Variants in KIAA1328 observed in about 807,000 individuals in gnomAD.
KIAA1328 encodes protein hinderin.
KIAA1328 carries 52 observed loss-of-function variants against 68.1 expected under a neutral mutation model. The ratio of observed to expected loss-of-function variants is 0.76; its 90% CI spans 0.61 to 0.96. KIAA1328 has a LOEUF of 0.96. Ranked by LOEUF, KIAA1328 falls within the 40% of genes least tolerant of loss-of-function variation. The pLI, the probability that KIAA1328 is intolerant of heterozygous loss-of-function variation, is 0.00. For synonymous variants in KIAA1328, 232 were observed against 239.4 expected (o/e 0.97, Z 0.28); for missense variants, 641 against 677.6 (o/e 0.95, Z 0.60).
intron 5 of KIAA1328, among the ~76,000 whole-genome samples, chr18:36,901,166 TTCTTA>T (rs2049024406): frequency 6.6e-6 from 1 of 152,060 alleles, no homozygotes; most frequent in Non-Finnish European, 1.5e-5. Context: ...ACAGTGTTAG[TTCTTA>T]AAGTATTCTC....
chr18:37,046,181 G>A (rs1290301607), intron 6 of KIAA1328, among the ~76,000 whole-genome samples: 1 of 152,036 alleles, frequency 6.6e-6, no homozygotes, highest in Non-Finnish European at 1.5e-5. Flanking sequence ...TAATCTTCAT[G>A]GACTGAAACT....
At chr18:37,146,302 T>A (rs1187970783) in intron 7 of KIAA1328, among the ~76,000 whole-genome samples, 1 of 152,160 alleles carries the variant, frequency 6.6e-6, no homozygotes, top group Non-Finnish European at 1.5e-5. Context: ...CCATGTGTTC[T>A]CATCATTTAG....
At chr18:37,209,466 G>A (rs2060274700) in intron 9 of KIAA1328, among the ~76,000 whole-genome samples, 2 of 152,094 alleles carry the variant, frequency 1.3e-5, no homozygotes, top group Admixed American at 6.5e-5. Context: ...TATAATGTGT[G>A]TATGTGTGTG....
intron 9 of KIAA1328, among the ~76,000 whole-genome samples, chr18:37,218,013 T>C (rs1385690788): frequency 6.6e-6 from 1 of 152,236 alleles, no homozygotes; most frequent in East Asian, 1.9e-4. Context: ...AAAATTCTCT[T>C]GGCCCCGATG....
intron 9 of KIAA1328, among the ~76,000 whole-genome samples, chr18:37,213,760 C>T (rs2060366123): frequency 6.6e-6 from 1 of 152,166 alleles, no homozygotes; most frequent in Non-Finnish European, 1.5e-5. Context: ...TTTACACTCC[C>T]ACCAACAGTG....
intron 6 of KIAA1328, among the ~76,000 whole-genome samples, chr18:36,975,237 C>T (rs2052417230): frequency 2.2e-5 from 3 of 138,428 alleles, no homozygotes; most frequent in South Asian, 2.3e-4. Flanking sequence ...GTCTGGAGTG[C>T]AGTGGCGGGA....
intron 5 of KIAA1328, among the ~76,000 whole-genome samples, chr18:36,954,726 G>A (rs981666597): frequency 1.4e-5 from 2 of 144,220 alleles, no homozygotes; most frequent in Non-Finnish European, 3.0e-5. Flanking sequence ...CGGAGTTTTG[G>A]TCTTGTTGCC....
intron 6 of KIAA1328, among the ~76,000 whole-genome samples, chr18:37,005,055 G>A (rs1362731528): frequency 6.6e-6 from 1 of 152,028 alleles, no homozygotes; most frequent in Non-Finnish European, 1.5e-5. Flanking sequence ...CTATGAGGAG[G>A]CAAAGGCATA....
chr18:36,882,248 T>A (rs1033151236), intron 4 of KIAA1328, among the ~76,000 whole-genome samples: 27 of 152,216 alleles, frequency 1.8e-4, no homozygotes, highest in African/African-American at 5.5e-4. Context: ...GACTAACTAT[T>A]GTGCTTTAAA....
intron 8 of KIAA1328, among the ~76,000 whole-genome samples, chr18:37,168,676 T>C (rs1052027137): frequency 1.3e-5 from 2 of 152,036 alleles, no homozygotes; most frequent in Non-Finnish European, 2.9e-5. Flanking sequence ...AACACATAAA[T>C]GGTAGAACTA....
At chr18:37,123,204 G>A (rs922187333) in intron 7 of KIAA1328, among the ~76,000 whole-genome samples, 2 of 152,130 alleles carry the variant, frequency 1.3e-5, no homozygotes, top group African/African-American at 4.8e-5. Flanking sequence ...ATCAAAGAGA[G>A]AAGAAAAACT....
At chr18:37,176,741 A>G (rs2059604137) in intron 9 of KIAA1328, among the ~76,000 whole-genome samples, 1 of 152,232 alleles carries the variant, frequency 6.6e-6, no homozygotes, top group South Asian at 2.1e-4. Flanking sequence ...CTTTCCTACC[A>G]AATGAATGAG....
intron 6 of KIAA1328, among the ~76,000 whole-genome samples, chr18:37,036,578 C>T (rs1016005648): frequency 1.8e-4 from 28 of 152,300 alleles, no homozygotes; most frequent in South Asian, 2.1e-4. Flanking sequence ...TGTTGAGACA[C>T]GCAGAAACAT....
chr18:37,001,405 A>G (rs2053581673), intron 6 of KIAA1328, among the ~76,000 whole-genome samples: 1 of 152,166 alleles, frequency 6.6e-6, no homozygotes, highest in Non-Finnish European at 1.5e-5. Context: ...AGAAATGTCC[A>G]AGACTGGATA....
At position 37,066,971 on chromosome 18, in the gene KIAA1328, T is replaced by A; in HGVS notation, c.658T>A (p.Tyr220Asn). ...CTTGAGCATAGCCAGACCACAGACCTACTATCAAACCAAGCAAAGACCTAA... is the reference window on the plus strand; with the variant it reads ...CTTGAGCATAGCCAGACCACAGACCAACTATCAAACCAAGCAAAGACCTAA... Reference protein sequence around the residue: ...SYLSIARPQTYYQTKQRPKSA... With the variant: ...SYLSIARPQTNYQTKQRPKSA... The change falls in exon 7 of 10, where the codon TAC becomes AAC. Residue 220 changes from tyrosine (Y) to asparagine (N), a missense_variant. By Grantham distance (143) the Tyr-to-Asn change is moderately radical. Transcript: ENST00000280020. The A allele has an allele frequency of 3.7e-6, 6 of 1,613,382 alleles. No individual in the cohort carries two copies. The highest frequency in any genetic ancestry group is 5.1e-6 in the Non-Finnish European group (6 of 1,179,568).
At position 36,988,355 on chromosome 18, in the gene KIAA1328, G is replaced by A. The variant is rs189706545; in HGVS notation, c.576+28920G>A. On this transcript the variant is annotated intron_variant, in intron 6 of 9. Coordinates refer to ENST00000280020, the MANE Select transcript of KIAA1328 (RefSeq NM_020776.3). ...CTCTTTTTTACATGCCTGTTAACAGGCTACAGGTAGATGTTGTGCAAACTT... is the reference window on the plus strand; with the variant it reads ...CTCTTTTTTACATGCCTGTTAACAGACTACAGGTAGATGTTGTGCAAACTT... Among the ~76,000 whole-genome samples, 4 of 152,250 alleles carry A rather than the reference G, an allele frequency of 2.6e-5. No homozygotes were observed. In the East Asian group the frequency reaches 7.7e-4, roughly 29 times the overall value.
intron 5 of KIAA1328, among the ~76,000 whole-genome samples, chr18:36,956,735 A>G (rs974694063): frequency 6.6e-6 from 1 of 152,212 alleles, no homozygotes; most frequent in Non-Finnish European, 1.5e-5. Context: ...TAAAATTCGT[A>G]TTCTGTGACC....
chr18:37,114,146 G>A (rs1267441978), intron 7 of KIAA1328, among the ~76,000 whole-genome samples: 2 of 152,180 alleles, frequency 1.3e-5, no homozygotes, highest in Non-Finnish European at 2.9e-5. Flanking sequence ...ACTCAGCTCT[G>A]CATCAAGCAG....
chr18:37,113,375 T>C (rs1408688363), intron 7 of KIAA1328, among the ~76,000 whole-genome samples: 1 of 152,066 alleles, frequency 6.6e-6, no homozygotes, highest in East Asian at 1.9e-4. Flanking sequence ...AAGAAAATAA[T>C]TTTCAACCCA....
Sources: allele counts gnomAD v4.1 joint callset (sites outside exome capture counted in the v4.1 genomes callset), GRCh38; gene constraint gnomAD v4.1.1; transcripts MANE v1.5; gene names NCBI Gene and HGNC (gene_info 2026-07-23, HGNC 2026-07-21).